Variants in CEP55 observed in about 807,000 individuals in gnomAD.
CEP55 encodes centrosomal protein 55, also known as centrosomal protein of 55 kDa.
Under a neutral mutation model 63.2 loss-of-function variants are expected in CEP55, and 57 were observed. The ratio of observed to expected loss-of-function variants is 0.90; its 90% CI spans 0.73 to 1.13. The LOEUF is 1.13. Ranked by LOEUF, CEP55 falls within the 50% of genes most tolerant of loss-of-function variation. The pLI is 0.00. For missense variants in CEP55, 456 were observed against 518.9 expected, an observed-to-expected ratio of 0.88 and a Z score of 1.18; for synonymous variants, 178 against 191.6, an observed-to-expected ratio of 0.93 and a Z score of 0.59.
intron 6 of CEP55, among the ~76,000 whole-genome samples, chr10:93,517,513 G>A (rs1464091069): frequency 6.6e-6 from 1 of 152,220 alleles, no homozygotes; most frequent in Non-Finnish European, 1.5e-5. Flanking sequence ...TGATGAGGAG[G>A]ACCCAGTGAG....
chr10:93,515,332 T>G (rs1300956629), intron 4 of CEP55, 73 bp from the exon 5 acceptor site: 19 of 1,387,612 alleles, frequency 1.4e-5, no homozygotes, highest in Non-Finnish European at 1.9e-5. Context: ...ACTACATCAC[T>G]TGGACTCTCT....
chr10:93,504,362 A>G (rs1361624965), intron 3 of CEP55, among the ~76,000 whole-genome samples: 2 of 151,952 alleles, frequency 1.3e-5, no homozygotes, highest in East Asian at 1.9e-4. Flanking sequence ...AATCCCAGCT[A>G]TTCGGGAGGC....
chr10:93,525,167 A>C (rs1333741097), intron 8 of CEP55, among the ~76,000 whole-genome samples: 1 of 152,130 alleles, frequency 6.6e-6, no homozygotes, highest in African/African-American at 2.4e-5. Context: ...TTTGCAGATG[A>C]CATGATTGTA....
At chr10:93,524,918 T>G (rs2057904417) in intron 8 of CEP55, among the ~76,000 whole-genome samples, 2 of 151,996 alleles carry the variant, frequency 1.3e-5, no homozygotes, top group Admixed American at 6.6e-5. Context: ...CTCAATAAAT[T>G]AGGTATTGAT....
intron 7 of CEP55, among the ~76,000 whole-genome samples, chr10:93,519,418 T>C (rs1028261967): frequency 2.6e-5 from 4 of 152,208 alleles, no homozygotes; most frequent in African/African-American, 4.8e-5. Context: ...AAAAGGTGGA[T>C]AGGGAGGAGT....
At chr10:93,522,395 T>C (rs2057874115) in intron 8 of CEP55, among the ~76,000 whole-genome samples, 1 of 152,094 alleles carries the variant, frequency 6.6e-6, no homozygotes, top group South Asian at 2.1e-4. Context: ...GAAAAAAGGA[T>C]AAAAAGAAAC....
chr10:93,503,249 C>G lies in CEP55; in HGVS notation c.320C>G (p.Thr107Arg), dbSNP rs1419449134. Residue 107 changes from threonine (T) to arginine (R), a missense_variant, in exon 3 of 9, where the codon ACA becomes AGA. Physicochemically the swap from Thr to Arg is moderately conservative, Grantham distance 71 (BLOSUM62 -1). Transcript: ENST00000371485. ...ACATTGCTTGAACAGCTGGAAGAGACAACGAGAGAAGGAGAAAGGAGGGAG... is the reference window on the plus strand; with the variant it reads ...ACATTGCTTGAACAGCTGGAAGAGAGAACGAGAGAAGGAGAAAGGAGGGAG... ...TTTLLEQLEE[T>R]TREGERREQV... 6.2e-7 allele frequency: 1 copy of G among 1,613,954 alleles called. No individual in the cohort carries two copies. Among genetic ancestry groups the G allele is most frequent in the Non-Finnish European group, 8.5e-7 (1 of 1,179,966 alleles).
intron 8 of CEP55, among the ~76,000 whole-genome samples, chr10:93,522,071 C>T (rs1039040612): frequency 3.9e-5 from 6 of 152,198 alleles, no homozygotes; most frequent in African/African-American, 1.2e-4. Flanking sequence ...TCCTCACCAG[C>T]AATGGAACAA....
chr10:93,517,373 T>G, intron 6 of CEP55, 125 bp downstream of exon 6: 1 of 674,954 alleles, frequency 1.5e-6, no homozygotes, highest in Non-Finnish European at 2.5e-6. Context: ...GGAGTTATAT[T>G]CCAGAACAGA....
intron 1 of CEP55, among the ~76,000 whole-genome samples, chr10:93,498,870 G>T (rs574384329): frequency 6.6e-6 from 1 of 151,108 alleles, no homozygotes; most frequent in South Asian, 2.1e-4. Context: ...GTAAATAGTA[G>T]GCTTTATAGT....
intron 1 of CEP55, among the ~76,000 whole-genome samples, chr10:93,498,991 TAG>T (rs1291560992): frequency 7.2e-6 from 1 of 139,448 alleles, no homozygotes; most frequent in African/African-American, 3.4e-5. Flanking sequence ...CCTCCTTAAT[TAG>T]AGTTACTTTT....
chr10:93,502,057 T>G (rs2057641075), intron 2 of CEP55, among the ~76,000 whole-genome samples: 1 of 152,234 alleles, frequency 6.6e-6, no homozygotes, highest in South Asian at 2.1e-4. Flanking sequence ...ATTAGATATG[T>G]AAGGAAATTT....
chr10:93,503,345 T>G lies in CEP55; in HGVS notation c.416T>G (p.Ile139Ser). 6.2e-7 allele frequency: 1 copy of G among 1,614,178 alleles called. No individual in the cohort carries two copies. The highest frequency in any genetic ancestry group is 1.3e-5 in the African/African-American group (1 of 75,058). The change falls in exon 3 of 9, where the codon ATT becomes AGT. Residue 139 changes from isoleucine to serine, a missense_variant. By Grantham distance (142) the Ile-to-Ser change is moderately radical. Transcript: ENST00000371485. Reference sequence around the variant, plus strand: ...CAGTTGTCTGCTGCAACCTCACGAATTGCTGAACTTGAAAGCAAAACCAAT... The same window carrying G: ...CAGTTGTCTGCTGCAACCTCACGAAGTGCTGAACTTGAAAGCAAAACCAAT... ...KQQLSAATSR[I>S]AELESKTNTL...
chr10:93,512,226 C>CAAAAAAA (rs554234979), intron 4 of CEP55, among the ~76,000 whole-genome samples: 22,332 of 119,950 alleles, frequency 0.19, 2,488 homozygotes, highest in East Asian at 0.28. Flanking sequence ...GACTCCGTTT[C>CAAAAAAA]AAAAAAAAAA....
intron 6 of CEP55, among the ~76,000 whole-genome samples, chr10:93,517,941 T>C (rs1462931718): frequency 6.6e-6 from 1 of 152,202 alleles, no homozygotes; most frequent in Non-Finnish European, 1.5e-5. Context: ...GTTATTCCCT[T>C]GTCAAATTAA....
intron 6 of CEP55, among the ~76,000 whole-genome samples, chr10:93,518,129 C>T (rs896758369): frequency 6.8e-6 from 1 of 146,256 alleles, no homozygotes; most frequent in Non-Finnish European, 1.5e-5. Flanking sequence ...CCATCTATAA[C>T]ATTTGCCATC....
chr10:93,511,855 G>A (rs2057753969), intron 4 of CEP55, among the ~76,000 whole-genome samples: 1 of 152,078 alleles, frequency 6.6e-6, no homozygotes, highest in South Asian at 2.1e-4. Flanking sequence ...GCCCGCCTCG[G>A]CCTCCCAAAG....
intron 4 of CEP55, among the ~76,000 whole-genome samples, chr10:93,509,462 CATTAACATTATT>C: frequency 1.4e-5 from 1 of 71,938 alleles, no homozygotes; most frequent in Non-Finnish European, 2.8e-5. Context: ...CTTTGAGAAC[CATTAACATTATT>C]ATTATTATTA....
In CEP55 at chr10:93,509,453, T is replaced by C. The variant is rs913083017; in HGVS notation, c.528+2397T>C. Among the ~76,000 whole-genome samples, 160 of 138,508 alleles carry C rather than the reference T, an allele frequency of 1.2e-3. 2 individuals are homozygous for C. In the Admixed American group the frequency reaches 0.012, roughly 11 times the overall value. 90.9% of individuals were successfully genotyped at this position (138,508 alleles called of 152,430 possible). A position where few individuals can be genotyped will look rare whatever the true frequency, so the allele number is the denominator to read the frequency against. On this transcript the variant is annotated intron_variant, in intron 4 of 8. Coordinates refer to ENST00000371485, the MANE Select transcript of CEP55 (RefSeq NM_018131.5). The stretch of plus-strand genomic sequence containing the variant: ...GCTGCTGCTGGCCCTTGGACCACGC[T>C]TTGAGAACCATTAACATTATTATTA...
Sources: allele counts gnomAD v4.1 joint callset (sites outside exome capture counted in the v4.1 genomes callset), GRCh38; gene constraint gnomAD v4.1.1; transcripts MANE v1.5; gene names NCBI Gene and HGNC (gene_info 2026-07-23, HGNC 2026-07-21).